Variants in MYO9A observed in about 807,000 individuals in gnomAD.
MYO9A encodes the protein unconventional myosin-IXa.
MYO9A carries 103 observed loss-of-function variants against 293.3 expected under a neutral mutation model. The ratio of observed to expected loss-of-function variants is 0.35; its 90% CI spans 0.30 to 0.41. The LOEUF (loss-of-function observed/expected upper bound fraction) is 0.41, where lower values mean the gene tolerates loss of function less well. MYO9A is among the 10% of genes least tolerant of loss of function. The pLI is 1.00. For synonymous variants in MYO9A, 1,001 were observed against 1,035.7 expected (o/e 0.97, Z 0.64); for missense variants, 2,685 against 3,033.0 (o/e 0.89, Z 2.69).
chr15:72,102,592 C>G (rs1466470181), intron 1 of MYO9A, among the ~76,000 whole-genome samples: 1 of 150,968 alleles, frequency 6.6e-6, no homozygotes, highest in South Asian at 2.1e-4. Context: ...ACAGATATAT[C>G]AGAAAGCCAA....
chr15:71,938,794 T>C, intron 16 of MYO9A, 58 bp downstream of exon 16: 1 of 1,409,306 alleles, frequency 7.1e-7, no homozygotes, highest in South Asian at 1.3e-5. Context: ...AAAATATCAA[T>C]AAGAATGTTA....
chr15:71,968,158 C>T, intron 12 of MYO9A, 33 bp from the exon 13 acceptor site: 4 of 1,514,594 alleles, frequency 2.6e-6, no homozygotes, highest in Non-Finnish European at 3.5e-6. Context: ...AATATCATTA[C>T]AGAAAGATGA....
intron 39 of MYO9A, among the ~76,000 whole-genome samples, chr15:71,836,885 G>T (rs1437008907): frequency 1.3e-5 from 2 of 152,056 alleles, no homozygotes; most frequent in Non-Finnish European, 2.9e-5. Flanking sequence ...AAGGGAAAGA[G>T]GAGAGCTTCT....
chr15:72,038,257 CACCACGAAAG>C (rs1201202856), intron 2 of MYO9A, among the ~76,000 whole-genome samples: 1 of 152,074 alleles, frequency 6.6e-6, no homozygotes, highest in East Asian at 1.9e-4. Flanking sequence ...AAAATATATC[CACCACGAAAG>C]ACCATGTTCT....
At chr15:71,907,107 C>A (rs1330802560) in intron 19 of MYO9A, among the ~76,000 whole-genome samples, 2 of 145,084 alleles carry the variant, frequency 1.4e-5, no homozygotes, top group African/African-American at 2.6e-5. Flanking sequence ...CCCTACCCCA[C>A]AACAGTCCCC....
chr15:72,116,255 T>C (rs1320948988), intron 1 of MYO9A, among the ~76,000 whole-genome samples: 5 of 152,216 alleles, frequency 3.3e-5, no homozygotes, highest in African/African-American at 1.2e-4. Flanking sequence ...TCTATAATTT[T>C]AATGTGATTT....
chr15:72,112,399 A>G (rs2080811678), intron 1 of MYO9A, among the ~76,000 whole-genome samples: 1 of 152,214 alleles, frequency 6.6e-6, no homozygotes, highest in South Asian at 2.1e-4. Flanking sequence ...CACTATTTGG[A>G]AAGTGCTTTA....
intron 3 of MYO9A, among the ~76,000 whole-genome samples, chr15:72,029,496 A>G (rs2077794642): frequency 6.6e-6 from 1 of 152,194 alleles, no homozygotes; most frequent in Non-Finnish European, 1.5e-5. Context: ...TAAACATAGA[A>G]AAAGTACAGT....
At position 71,898,890 on chromosome 15, in the gene MYO9A, C is replaced by T. The variant is rs2057406744; in HGVS notation, c.3613G>A (p.Ala1205Thr). The T allele has an allele frequency of 6.2e-7, 1 of 1,614,104 alleles. No individual in the cohort carries two copies. The highest frequency in any genetic ancestry group is 2.2e-5 in the East Asian group (1 of 44,880). Residue 1205 changes from alanine (A) to threonine (T), a missense_variant, in exon 25 of 42, where the codon GCC becomes ACC. Physicochemically the swap from Ala to Thr is moderately conservative, Grantham distance 58. Around this residue, in one of 10 missense-constraint regions of MYO9A, gnomAD observed 1,434 missense variants for 1,497.7 expected, o/e 0.96. Coordinates refer to ENST00000356056, the MANE Select transcript of MYO9A (RefSeq NM_006901.4). ...ATTACAGATTTACATTCCTCTATGG[C>T]TTTTATTCTGTTGTCAAAAGAACAA... Reference protein sequence around the residue: ...EDCSFDNRIKAIEECKSVIES... With the variant: ...EDCSFDNRIKTIEECKSVIES...
At chr15:71,862,710 G>T in intron 32 of MYO9A, 99 bp from the exon 33 acceptor site, 1 of 675,212 alleles carries the variant, frequency 1.5e-6, no homozygotes, top group Non-Finnish European at 2.6e-6. Flanking sequence ...GTCTTCACTA[G>T]GCACTAATTC....
intron 1 of MYO9A, among the ~76,000 whole-genome samples, chr15:72,082,172 T>C (rs1254441805): frequency 6.6e-6 from 1 of 152,210 alleles, no homozygotes; most frequent in Non-Finnish European, 1.5e-5. Context: ...GGAATGTTTT[T>C]CTATTAGTTT....
At chr15:72,076,715 A>G (rs753387013) in intron 1 of MYO9A, among the ~76,000 whole-genome samples, 1 of 152,204 alleles carries the variant, frequency 6.6e-6, no homozygotes, top group African/African-American at 2.4e-5. Context: ...AAATCCCAGC[A>G]AAGTTACTTT....
intron 8 of MYO9A, among the ~76,000 whole-genome samples, chr15:72,003,786 C>T (rs2076941438): frequency 6.6e-6 from 1 of 151,506 alleles, no homozygotes; most frequent in South Asian, 2.1e-4. Context: ...CATAGATCAT[C>T]CAAATAACTC....
At chr15:72,097,511 T>C (rs773959338) in intron 1 of MYO9A, among the ~76,000 whole-genome samples, 19 of 118,860 alleles carry the variant, frequency 1.6e-4, no homozygotes, top group Non-Finnish European at 3.5e-4. Flanking sequence ...AAAAGTTTCA[T>C]GTGACTTGCT....
intron 2 of MYO9A, among the ~76,000 whole-genome samples, chr15:72,038,183 A>G (rs2078114693): frequency 6.6e-6 from 1 of 152,194 alleles, no homozygotes; most frequent in Non-Finnish European, 1.5e-5. Context: ...TTGGCCTCCC[A>G]AAGTGCTGGG....
chr15:72,011,582 A>G lies in MYO9A; in HGVS notation c.1156-1135T>C, dbSNP rs150343358. ...TTTGAGACCAGCCTGGGCAACACGCATGACACCATCTCAAGAAAAAAAAAA... is the reference window on the plus strand; with the variant it reads ...TTTGAGACCAGCCTGGGCAACACGCGTGACACCATCTCAAGAAAAAAAAAA... On this transcript the variant is annotated intron_variant, in intron 6 of 41. Coordinates refer to ENST00000356056, the MANE Select transcript of MYO9A (RefSeq NM_006901.4). Among the ~76,000 whole-genome samples, 166 of 149,684 alleles carry G rather than the reference A, an allele frequency of 1.1e-3. 2 individuals carry two copies. In the East Asian group the frequency reaches 0.028, roughly 25 times the overall value.
intron 34 of MYO9A, chr15:71,858,627 A>C (rs1383972085): frequency 7.0e-6 from 1 of 143,414 alleles, no homozygotes; most frequent in African/African-American, 2.6e-5. Flanking sequence ...GAAGCTAAGC[A>C]GGGTCAGGCC....
intron 34 of MYO9A, 66 bp downstream of exon 34, chr15:71,859,669 T>A: frequency 7.4e-7 from 1 of 1,342,982 alleles, no homozygotes; most frequent in Non-Finnish European, 1.1e-6. Context: ...GGCCTTAATT[T>A]ATTTCCATAA....
intron 25 of MYO9A, 188 bp downstream of exon 25, chr15:71,897,273 G>T (rs2143019898): frequency 1.6e-6 from 1 of 625,468 alleles, no homozygotes. Flanking sequence ...ATCAGTCAAG[G>T]ATTCCTAGGA....
Sources: allele counts gnomAD v4.1 joint callset (sites outside exome capture counted in the v4.1 genomes callset), GRCh38; gene constraint gnomAD v4.1.1; regional missense constraint gnomAD v4.1.1; transcripts MANE v1.5; gene names NCBI Gene and HGNC (gene_info 2026-07-23, HGNC 2026-07-21).